The following PHF21B variants were observed in gnomAD, a reference collection of about 807,000 sequenced individuals.
PHF21B encodes PHD finger protein 4.
PHF21B carries 22 observed loss-of-function variants against 62.2 expected under a neutral mutation model. That is an observed-to-expected ratio of 0.35 (90% confidence interval 0.25 to 0.51). The LOEUF (loss-of-function observed/expected upper bound fraction) is 0.51. Among genes scored for constraint, PHF21B ranks in the 20% least tolerant of loss-of-function variants. PHF21B has a pLI of 0.97. For synonymous variants in PHF21B, 341 were observed against 314.7 expected, an observed-to-expected ratio of 1.08 and a Z score of -0.88; for missense variants, 701 against 707.9, an observed-to-expected ratio of 0.99 and a Z score of 0.11.
intron 2 of PHF21B, among the ~76,000 whole-genome samples, chr22:44,957,236 C>G (rs952044305): frequency 1.5e-4 from 23 of 152,376 alleles, no homozygotes; most frequent in African/African-American, 5.0e-4. Context: ...ACAGTGCTCA[C>G]CCAGCCTCAG....
At chr22:44,915,714 A>G (rs1236308371) in intron 4 of PHF21B, among the ~76,000 whole-genome samples, 2 of 152,246 alleles carry the variant, frequency 1.3e-5, no homozygotes, top group African/African-American at 4.8e-5. Context: ...AGAGAGAAAG[A>G]GGCCACAGAC....
chr22:44,913,048 G>C (rs1013181775), intron 5 of PHF21B, among the ~76,000 whole-genome samples: 2 of 152,116 alleles, frequency 1.3e-5, no homozygotes, highest in African/African-American at 2.4e-5. Flanking sequence ...AGCAAAGGAC[G>C]GCCCTGAGTC....
intron 2 of PHF21B, among the ~76,000 whole-genome samples, chr22:44,946,743 G>A (rs1165302331): frequency 6.6e-6 from 1 of 152,130 alleles, no homozygotes; most frequent in Non-Finnish European, 1.5e-5. Flanking sequence ...TCCAGGGGCT[G>A]AAAATATTCC....
intron 7 of PHF21B, 88 bp from the exon 8 acceptor site, chr22:44,891,448 G>A: frequency 1.3e-6 from 2 of 1,505,126 alleles, no homozygotes; most frequent in Non-Finnish European, 1.8e-6. Flanking sequence ...ACTCTCTCTG[G>A]GACAGGGTTC....
chr22:44,934,814 G>A (rs1451058668), intron 2 of PHF21B, among the ~76,000 whole-genome samples: 1 of 152,164 alleles, frequency 6.6e-6, no homozygotes, highest in Admixed American at 6.5e-5. Context: ...TGGCCACATC[G>A]CCTGTCCCTG....
At chr22:44,992,416 G>C (rs1302412899) in intron 2 of PHF21B, among the ~76,000 whole-genome samples, 1 of 152,242 alleles carries the variant, frequency 6.6e-6, no homozygotes, top group Non-Finnish European at 1.5e-5. Context: ...GGCTACCTGA[G>C]CCACCAGCCA....
In PHF21B at chr22:44,891,441, C is replaced by T. The variant is rs1427844646; in HGVS notation, c.961-81G>A. Reference sequence around the variant, plus strand: ...GGTGACGTCACCCCAGGTCAGGACTCTCTCTGGGACAGGGTTCCCACCCAG... The same window carrying T: ...GGTGACGTCACCCCAGGTCAGGACTTTCTCTGGGACAGGGTTCCCACCCAG... On this transcript the variant is annotated intron_variant, in intron 7 of 12. Transcript: ENST00000313237. The T allele has an allele frequency of 1.1e-5, 17 of 1,520,340 alleles. No individual in the cohort carries two copies. The Admixed American group carries it at 2.1e-4, about 19-fold the overall frequency. 94.2% of individuals were successfully genotyped at this position (1,520,340 alleles called of 1,614,324 possible).
intron 2 of PHF21B, among the ~76,000 whole-genome samples, chr22:44,958,375 G>A (rs1210385653): frequency 6.6e-6 from 1 of 152,180 alleles, no homozygotes; most frequent in Non-Finnish European, 1.5e-5. Flanking sequence ...TAGTTGTGCT[G>A]AGAACTCCGA....
At chr22:44,912,714 C>T (rs939946147) in intron 5 of PHF21B, among the ~76,000 whole-genome samples, 1 of 151,616 alleles carries the variant, frequency 6.6e-6, no homozygotes, top group Non-Finnish European at 1.5e-5. Flanking sequence ...CCTGTCTCTA[C>T]AAAACATTAA....
At chr22:44,890,328 A>T (rs1411660001) in intron 8 of PHF21B, among the ~76,000 whole-genome samples, 2 of 152,240 alleles carry the variant, frequency 1.3e-5, no homozygotes, top group Non-Finnish European at 1.5e-5. Flanking sequence ...CTCTCATTCT[A>T]GTAAATGATA....
intron 2 of PHF21B, among the ~76,000 whole-genome samples, chr22:44,965,227 G>A (rs752482906): frequency 6.6e-5 from 10 of 152,182 alleles, no homozygotes; most frequent in Admixed American, 1.3e-4. Flanking sequence ...GAACACAGCC[G>A]CCTCTGGCCA....
At chr22:44,982,841 G>A (rs1292607171) in intron 2 of PHF21B, among the ~76,000 whole-genome samples, 1 of 152,132 alleles carries the variant, frequency 6.6e-6, no homozygotes. Context: ...AGGCACCTGG[G>A]GCTACCAGGA....
rs142487545 is a variant in PHF21B, at chr22:44,976,790, C to T, written c.120+31755G>A. On this transcript the variant is annotated intron_variant, in intron 2 of 12. Coordinates refer to ENST00000313237, the MANE Select transcript of PHF21B (RefSeq NM_138415.5). ...TGAAGAGAGATTAAAGGTTCTAAAA[C>T]GTGTAACATTTGAAGAATAATACCA... 4.5e-3 allele frequency among the ~76,000 whole-genome samples: 689 copies of T among 152,344 alleles called. 1 individual carries two copies. Among genetic ancestry groups the T allele is most frequent in the Middle Eastern group, 0.01 (3 of 294 alleles).
chr22:44,975,190 T>G (rs2072714372), intron 2 of PHF21B, among the ~76,000 whole-genome samples: 1 of 152,120 alleles, frequency 6.6e-6, no homozygotes, highest in Non-Finnish European at 1.5e-5. Flanking sequence ...AAACCCACCT[T>G]TTCTCCAGGG....
intron 2 of PHF21B, among the ~76,000 whole-genome samples, chr22:45,004,954 C>A (rs751844689): frequency 6.6e-6 from 1 of 152,216 alleles, no homozygotes; most frequent in Admixed American, 6.5e-5. Context: ...GCATGGACTG[C>A]GGTTCAAACA....
chr22:44,937,236 C>A (rs1358390625), intron 2 of PHF21B, among the ~76,000 whole-genome samples: 4 of 152,076 alleles, frequency 2.6e-5, no homozygotes, highest in African/African-American at 9.7e-5. Flanking sequence ...CAAAACACAC[C>A]CAGACAAAAT....
At chr22:44,928,734 G>A (rs1302862807) in intron 2 of PHF21B, among the ~76,000 whole-genome samples, 1 of 152,212 alleles carries the variant, frequency 6.6e-6, no homozygotes, top group African/African-American at 2.4e-5. Flanking sequence ...AAAGAAACCA[G>A]GACAATTGTC....
rs911405970 is a variant in PHF21B, at chr22:44,881,262, G to A, written c.*1824C>T. ...TCTCTATCCTCACTACCCACTGGAC[G>A]GTCCTCCTTGGTCCAAAAAAAACCT... is the stretch of plus-strand genomic sequence containing the variant. On this transcript the variant is annotated 3_prime_UTR_variant, in exon 13 of 13. Transcript: ENST00000313237. 5.2e-5 allele frequency: 8 copies of A among 152,592 alleles called. No homozygotes were observed. Among genetic ancestry groups the A allele is most frequent in the African/African-American group, 1.9e-4 (8 of 41,428 alleles). The allele number at this position is 152,592 out of a possible 1,614,324, so 9.5% of individuals were successfully genotyped here. A position where few individuals can be genotyped will look rare whatever the true frequency, so the allele number is the denominator to read the frequency against.
chr22:44,892,747 T>C lies in PHF21B; in HGVS notation c.960+710A>G, dbSNP rs193017846. On this transcript the variant is annotated intron_variant, in intron 7 of 12. Transcript: ENST00000313237. Reference sequence around the variant, plus strand: ...AATGGTCCCAACAGACCCTGCAGAGTTGGCTTTGGGGAGATGACATTAGGA... The same window carrying C: ...AATGGTCCCAACAGACCCTGCAGAGCTGGCTTTGGGGAGATGACATTAGGA... Among the ~76,000 whole-genome samples the C allele has an allele frequency of 5.3e-5, 8 of 152,210 alleles. No homozygotes were observed. In the East Asian group the frequency reaches 1.4e-3, roughly 26 times the overall value.
Sources: gnomAD v4.1 joint callset for allele counts (sites outside exome capture counted in the v4.1 genomes callset) on GRCh38, gnomAD v4.1.1 for gene constraint, MANE v1.5 for transcripts, NCBI Gene and HGNC (gene_info 2026-07-23, HGNC 2026-07-21) for gene names.